GPC6: variants seen among roughly 807,000 people sequenced by gnomAD.
GPC6 encodes glypican 6, also known as glypican-6.
Under a neutral mutation model 55.2 loss-of-function variants are expected in GPC6, and 14 were observed. The observed-to-expected ratio is 0.25, with a 90% CI of 0.17 to 0.40. GPC6 has a LOEUF of 0.40. GPC6 is among the 10% of genes least tolerant of loss of function. GPC6 has a pLI of 1.00. For missense variants in GPC6, 641 were observed against 708.5 expected, an observed-to-expected ratio of 0.90 and a Z score of 1.08; for synonymous variants, 278 against 259.6, an observed-to-expected ratio of 1.07 and a Z score of -0.68.
At chr13:93,505,305 G>C (rs1192310542) in intron 1 of GPC6, among the ~76,000 whole-genome samples, 1 of 152,054 alleles carries the variant, frequency 6.6e-6, no homozygotes, top group Non-Finnish European at 1.5e-5. Context: ...TTTTGCTCCT[G>C]GGGGAAATAC....
At chr13:93,896,369 TAG>T (rs1213811223) in intron 3 of GPC6, among the ~76,000 whole-genome samples, 6 of 152,012 alleles carry the variant, frequency 3.9e-5, no homozygotes, top group African/African-American at 1.4e-4. Flanking sequence ...CCCATATAAG[TAG>T]AGTTTTAAGT....
At chr13:93,371,612 T>C (rs2139191964) in intron 1 of GPC6, among the ~76,000 whole-genome samples, 1 of 152,238 alleles carries the variant, frequency 6.6e-6, no homozygotes, top group East Asian at 1.9e-4. Context: ...AATACTTCTG[T>C]GCTCTCATGG....
At chr13:93,847,064 G>T (rs1228376941) in intron 3 of GPC6, among the ~76,000 whole-genome samples, 3 of 152,010 alleles carry the variant, frequency 2.0e-5, no homozygotes, top group Admixed American at 2.0e-4. Context: ...ATGCATTTTT[G>T]TCTGTAATTG....
intron 2 of GPC6, among the ~76,000 whole-genome samples, chr13:93,569,237 A>G (rs1340350792): frequency 6.6e-6 from 1 of 152,188 alleles, no homozygotes; most frequent in African/African-American, 2.4e-5. Context: ...TTAATGGACT[A>G]GAACACTAGT....
chr13:94,064,526 C>T (rs751281091), intron 4 of GPC6, among the ~76,000 whole-genome samples: 2 of 152,092 alleles, frequency 1.3e-5, no homozygotes, highest in African/African-American at 4.8e-5. Context: ...CAATATGTGT[C>T]TTAACAGGGA....
intron 4 of GPC6, among the ~76,000 whole-genome samples, chr13:94,205,128 T>TA (rs1889864787): frequency 6.6e-6 from 1 of 152,186 alleles, no homozygotes; most frequent in Non-Finnish European, 1.5e-5. Context: ...CCTGTAAAAA[T>TA]ATGTGCTTCC....
At chr13:93,853,385 A>C (rs1306449766) in intron 3 of GPC6, among the ~76,000 whole-genome samples, 1 of 151,616 alleles carries the variant, frequency 6.6e-6, no homozygotes, top group Non-Finnish European at 1.5e-5. Context: ...TCTCCACAAC[A>C]ATTTCTTTGT....
intron 3 of GPC6, among the ~76,000 whole-genome samples, chr13:93,889,413 G>A (rs905568630): frequency 7.9e-5 from 12 of 152,174 alleles, no homozygotes; most frequent in South Asian, 6.2e-4. Context: ...TTGGAAACAC[G>A]TTTATAGTAC....
intron 3 of GPC6, among the ~76,000 whole-genome samples, chr13:93,915,533 T>C (rs1877241687): frequency 6.6e-6 from 1 of 152,228 alleles, no homozygotes; most frequent in African/African-American, 2.4e-5. Flanking sequence ...TTATTTTATT[T>C]ACTATGAATG....
At chr13:94,109,198 A>C (rs1245772409) in intron 4 of GPC6, among the ~76,000 whole-genome samples, 1 of 152,208 alleles carries the variant, frequency 6.6e-6, no homozygotes, top group Non-Finnish European at 1.5e-5. Context: ...GCCTAGCGTT[A>C]TGACTGTCAT....
At chr13:93,726,353 C>G (rs1216697459) in intron 2 of GPC6, among the ~76,000 whole-genome samples, 1 of 152,040 alleles carries the variant, frequency 6.6e-6, no homozygotes. Flanking sequence ...ATAAAATTGG[C>G]TTCAAGTTTC....
At chr13:93,239,301 T>A (rs1416504245) in intron 1 of GPC6, among the ~76,000 whole-genome samples, 1 of 152,028 alleles carries the variant, frequency 6.6e-6, no homozygotes, top group African/African-American at 2.4e-5. Flanking sequence ...TCTTTCTGAT[T>A]CAAGCTTGGG....
At chr13:93,595,303 C>G (rs1245576760) in intron 2 of GPC6, among the ~76,000 whole-genome samples, 2 of 152,014 alleles carry the variant, frequency 1.3e-5, no homozygotes, top group African/African-American at 4.8e-5. Context: ...CTTATATGCC[C>G]AATCCTATGT....
At chr13:94,182,008 A>C (rs1889013046) in intron 4 of GPC6, among the ~76,000 whole-genome samples, 1 of 152,198 alleles carries the variant, frequency 6.6e-6, no homozygotes, top group Non-Finnish European at 1.5e-5. Context: ...TGACATTAGG[A>C]GGGCAAGCAT....
chr13:94,159,080 T>C (rs1290479647), intron 4 of GPC6, among the ~76,000 whole-genome samples: 1 of 152,048 alleles, frequency 6.6e-6, no homozygotes, highest in Non-Finnish European at 1.5e-5. Context: ...GATATACACA[T>C]ACCTAGGCAG....
intron 4 of GPC6, among the ~76,000 whole-genome samples, chr13:94,243,789 T>A (rs1192616287): frequency 6.6e-6 from 1 of 152,156 alleles, no homozygotes; most frequent in African/African-American, 2.4e-5. Context: ...ATTTATCCTG[T>A]GCAGACAGAT....
chr13:93,542,369 T>C (rs1201387976), intron 1 of GPC6, among the ~76,000 whole-genome samples: 1 of 152,198 alleles, frequency 6.6e-6, no homozygotes, highest in African/African-American at 2.4e-5. Context: ...CTCTGTTCTG[T>C]ACCATTGATC....
chr13:93,260,268 T>C (rs1169548227), intron 1 of GPC6, among the ~76,000 whole-genome samples: 1 of 152,124 alleles, frequency 6.6e-6, no homozygotes, highest in Non-Finnish European at 1.5e-5. Flanking sequence ...ATTTGAGAAT[T>C]AGCTAAGGGT....
chr13:93,893,091 C>A (rs539206317), intron 3 of GPC6, among the ~76,000 whole-genome samples: 3 of 133,670 alleles, frequency 2.2e-5, no homozygotes, highest in Middle Eastern at 4.5e-3. Flanking sequence ...TGGAGTTTTT[C>A]TCTCATCGCC....
Sources: allele counts gnomAD v4.1 joint callset (sites outside exome capture counted in the v4.1 genomes callset), GRCh38; gene constraint gnomAD v4.1.1; transcripts MANE v1.5; gene names NCBI Gene and HGNC (gene_info 2026-07-23, HGNC 2026-07-21).